The following PCAT7 variants were observed in gnomAD, a reference collection of about 807,000 sequenced individuals.
PCAT7 encodes prostate cancer associated transcript 7, also known as prostate cancer associated transcript 7 (non-protein coding).
At chr9:94,559,895 A>C (rs1827069259) in intron 2 of PCAT7, among the ~76,000 whole-genome samples, 2 of 152,148 alleles carry the variant, frequency 1.3e-5, no homozygotes, top group African/African-American at 2.4e-5. Flanking sequence ...TGGGAGGCCG[A>C]GGCAAAAGGA....
At chr9:94,568,277 G>C (rs1157354415) in intron 2 of PCAT7, 3 of 152,178 alleles carry the variant, frequency 2.0e-5, no homozygotes, top group Non-Finnish European at 2.9e-5. Flanking sequence ...TAAGGAAAAA[G>C]TTGGTAAAAT....
chr9:94,563,165 C>T (rs1416849317), intron 2 of PCAT7, among the ~76,000 whole-genome samples: 1 of 152,214 alleles, frequency 6.6e-6, no homozygotes, highest in Non-Finnish European at 1.5e-5. Context: ...CCTTCTTCTT[C>T]AAACCTCCCA....
intron 2 of PCAT7, among the ~76,000 whole-genome samples, chr9:94,565,546 A>G (rs1827173397): frequency 6.6e-6 from 1 of 152,122 alleles, no homozygotes; most frequent in Non-Finnish European, 1.5e-5. Flanking sequence ...ATTTAAATAC[A>G]GAAAGAATCT....
chr9:94,559,277 C>G, intron 2 of PCAT7: 1 of 683,910 alleles, frequency 1.5e-6, no homozygotes, highest in Non-Finnish European at 2.4e-6. Flanking sequence ...AGAGTGGGCC[C>G]GAGCTTTAGA....
intron 1 of PCAT7, among the ~76,000 whole-genome samples, chr9:94,557,427 A>G (rs1827027502): frequency 6.6e-6 from 1 of 152,224 alleles, no homozygotes; most frequent in African/African-American, 2.4e-5. Context: ...ATTTTGGGAA[A>G]AGAAGAAAAT....
At chr9:94,571,425 G>A in intron 2 of PCAT7, 1 of 1,553,364 alleles carries the variant, frequency 6.4e-7, no homozygotes, top group South Asian at 1.2e-5. Flanking sequence ...GGCCCATGGA[G>A]TCCCCAGGCA....
intron 2 of PCAT7, among the ~76,000 whole-genome samples, chr9:94,571,216 TAAG>T (rs1246970493): frequency 4.6e-5 from 7 of 152,232 alleles, no homozygotes; most frequent in African/African-American, 1.7e-4. Flanking sequence ...ATGAGCTCCT[TAAG>T]GAGAGGGCCT....
intron 2 of PCAT7, among the ~76,000 whole-genome samples, chr9:94,565,659 G>A (rs116490880): frequency 3.3e-3 from 494 of 147,620 alleles, no homozygotes; most frequent in African/African-American, 0.012. Context: ...AGAGACAGGT[G>A]TTTCTACTCT....
At chr9:94,573,668 A>G (rs1222330907) in intron 3 of PCAT7, among the ~76,000 whole-genome samples, 1 of 152,238 alleles carries the variant, frequency 6.6e-6, no homozygotes, top group East Asian at 1.9e-4. Flanking sequence ...CCATCACCAG[A>G]ATAAACCCCA....
intron 2 of PCAT7, chr9:94,559,244 A>G (rs1205326471): frequency 2.3e-6 from 2 of 868,898 alleles, no homozygotes; most frequent in East Asian, 2.6e-5. Context: ...TCTGGCTAGC[A>G]TGAGCGCACC....
In PCAT7 at chr9:94,567,179, C is replaced by A. The variant is rs1827201882; in HGVS notation, n.442-5800C>A. The A allele has an allele frequency of 4.5e-6, 6 of 1,347,340 alleles. No homozygotes were observed. In the South Asian group the frequency reaches 7.4e-5, roughly 17 times the overall value. The allele number at this position is 1,347,340 out of a possible 1,614,324, so 83.5% of individuals were successfully genotyped here. ...CACAGCCATAAACAGTGGCACCAAC[C>A]TCTTTCAGCAAAGCCCCTGAAGCCA... On this transcript the variant is annotated intron_variant and non_coding_transcript_variant, in intron 2 of 8. Coordinates refer to ENST00000647389, the Ensembl canonical transcript of PCAT7.
At chr9:94,572,858 T>C (rs1827283521) in intron 2 of PCAT7, 1 of 152,266 alleles carries the variant, frequency 6.6e-6, no homozygotes, top group Non-Finnish European at 1.5e-5. Flanking sequence ...AATGTAATTA[T>C]AATTACGAAT....
At chr9:94,566,519 CAA>C (rs1480463715) in intron 2 of PCAT7, among the ~76,000 whole-genome samples, 1 of 152,210 alleles carries the variant, frequency 6.6e-6, no homozygotes, top group African/African-American at 2.4e-5. Context: ...TCTATAGAAA[CAA>C]TGCTAATGAC....
At chr9:94,563,439 GC>G (rs1827139020) in intron 2 of PCAT7, 1 of 1,613,714 alleles carries the variant, frequency 6.2e-7, no homozygotes, top group Non-Finnish European at 8.5e-7. Context: ...CACATACCTG[GC>G]CCCATAGGGA....
chr9:94,561,273 C>A lies in PCAT7; in HGVS notation n.441+2121C>A, dbSNP rs762546566. Among the ~76,000 whole-genome samples the A allele has an allele frequency of 2.6e-5, 4 of 151,084 alleles. No homozygotes were observed. The East Asian group carries it at 7.7e-4, about 29-fold the overall frequency. On this transcript the variant is annotated intron_variant and non_coding_transcript_variant, in intron 2 of 8. Transcript: ENST00000647389. The stretch of plus-strand genomic sequence containing the variant: ...ACTTTTGTTCTGACCTCAGATGCCC[C>A]TGTTGTAGGAAATTTAATATCAAAA...
intron 2 of PCAT7, among the ~76,000 whole-genome samples, chr9:94,566,039 C>A (rs1240957968): frequency 6.6e-6 from 1 of 152,210 alleles, no homozygotes; most frequent in African/African-American, 2.4e-5. Flanking sequence ...CCGTAGAGTT[C>A]TTCTCCACCA....
At chr9:94,561,352 ATTTTTTTTTTTTTTTTTT>A (rs1174386595) in intron 2 of PCAT7, among the ~76,000 whole-genome samples, 1 of 54,970 alleles carries the variant, frequency 1.8e-5, no homozygotes, top group Non-Finnish European at 3.1e-5. Flanking sequence ...TGTGACCTGT[ATTTTTTTTTTTTTTTTTT>A]TTTTTTTTTT....
Position 94,566,201 on chromosome 9 carries a change from C to G in PCAT7, n.442-6778C>G, listed in dbSNP as rs576514090. Among the ~76,000 whole-genome samples, 94 of 152,324 alleles carry G rather than the reference C, an allele frequency of 6.2e-4. 1 individual carries two copies. The highest frequency in any genetic ancestry group is 4.4e-3 in the South Asian group (21 of 4,822). ...TTAAAGGGCACTGTTGGGAACAGGC[C>G]CCCCAAAACCTGGCCATAAACTGGC... On this transcript the variant is annotated intron_variant and non_coding_transcript_variant, in intron 2 of 8. Transcript: ENST00000647389.
At chr9:94,568,389 C>G (rs79849403) in intron 2 of PCAT7, 1 of 152,090 alleles carries the variant, frequency 6.6e-6, no homozygotes, top group Non-Finnish European at 1.5e-5. Context: ...CTCAAATACC[C>G]CTATGTCTAG....
Sources: allele counts gnomAD v4.1 joint callset (sites outside exome capture counted in the v4.1 genomes callset), GRCh38; gene constraint gnomAD v4.1.1; transcripts MANE v1.5; gene names NCBI Gene and HGNC (gene_info 2026-07-23, HGNC 2026-07-21).